ZNF185: variants seen among roughly 807,000 people sequenced by gnomAD.
ZNF185 encodes the protein zinc finger protein 185.
Under a neutral mutation model 58.6 loss-of-function variants are expected in ZNF185, and 56 were observed. The ratio of observed to expected loss-of-function variants is 0.95; its 90% CI spans 0.77 to 1.19. ZNF185 has a LOEUF of 1.19. Among genes scored for constraint, ZNF185 ranks in the 50% most tolerant of loss-of-function variants. The pLI is 0.00. For missense variants in ZNF185, 627 were observed against 573.5 expected (o/e 1.09, Z -0.95); for synonymous variants, 230 against 215.9 (o/e 1.07, Z -0.57).
rs781957226 is a variant in ZNF185 at position 152,945,493 on chromosome X, C to T, written c.1409+29C>T. ...AGGGCTGAGCTGCAGTGGGCTCTGCCTCTGGAGCCCATGTTTTTGTTGAGG... is the reference window on the plus strand; with the variant it reads ...AGGGCTGAGCTGCAGTGGGCTCTGCTTCTGGAGCCCATGTTTTTGTTGAGG... On this transcript the variant is annotated intron_variant, in intron 16 of 22. Transcript: ENST00000449285. 7 of 1,164,168 alleles carry T rather than the reference C, an allele frequency of 6.0e-6. No individual in the cohort carries two copies. In the South Asian group the frequency reaches 1.4e-4, roughly 23 times the overall value.
the ZNF185 span, among the ~76,000 whole-genome samples, chrX:152,901,219 G>A: frequency 3.7e-5 from 4 of 108,419 alleles, no homozygotes; most frequent in Non-Finnish European, 7.6e-5. Context: ...AGTCTGACTC[G>A]CTTTCTTTTT....
rs186866216 is a variant in ZNF185 at position 152,950,061 on chromosome X, G to A, written c.1409+4597G>A. Among the ~76,000 whole-genome samples, 341 of 112,027 alleles carry A rather than the reference G, an allele frequency of 3.0e-3. 1 individual carries two copies. Among genetic ancestry groups the A allele is most frequent in the Middle Eastern group, 0.028 (6 of 218 alleles). On this transcript the variant is annotated intron_variant, in intron 16 of 22. Coordinates refer to ENST00000449285, the Ensembl canonical transcript of ZNF185. The stretch of plus-strand genomic sequence containing the variant: ...GGGATGATAAGGACAATGTAATTTG[G>A]GGGATAAAGGAAGAACTCATTATAT...
chrX:152,925,259 C>A (rs2125403195), intron 11 of ZNF185, among the ~76,000 whole-genome samples: 1 of 111,603 alleles, frequency 9.0e-6, no homozygotes, highest in South Asian at 3.8e-4. Flanking sequence ...TGAGCTGTGA[C>A]CGCACCCTTA....
chrX:152,936,407 T>TTCTTTCACAGG lies in ZNF185; in HGVS notation c.1122-1666_1122-1656dup. 8.6e-7 allele frequency: 1 copy of TTCTTTCACAGG among 1,164,810 alleles called. No individual in the cohort carries two copies. The highest frequency in any genetic ancestry group is 1.1e-6 in the Non-Finnish European group (1 of 871,500). ...TCCTGAACCTGGACCAGGTCTGGCC[T>TTCTTTCACAGG]TCTTTCACAGGCTGTGTGCAGCTGC... is the stretch of plus-strand genomic sequence containing the variant. On this transcript the variant is annotated intron_variant, in intron 14 of 22. Coordinates refer to ENST00000449285, the Ensembl canonical transcript of ZNF185.
chrX:152,935,884 C>T (rs2046222646), intron 14 of ZNF185, among the ~76,000 whole-genome samples: 1 of 111,934 alleles, frequency 8.9e-6, no homozygotes. Flanking sequence ...TTTACAGAGA[C>T]ACAGAGAATG....
intron 11 of ZNF185, among the ~76,000 whole-genome samples, chrX:152,927,104 C>T (rs1305182994): frequency 8.9e-6 from 1 of 112,467 alleles, no homozygotes; most frequent in African/African-American, 3.2e-5. Context: ...CCAGAAACGC[C>T]AGTGAGAAAA....
intron 16 of ZNF185, among the ~76,000 whole-genome samples, chrX:152,956,808 T>C (rs1556905221): frequency 8.9e-6 from 1 of 112,697 alleles, no homozygotes; most frequent in Non-Finnish European, 1.9e-5. Flanking sequence ...ATAAGCCAAA[T>C]GTCACTGTTG....
At position 152,939,166 on chromosome X, in the gene ZNF185, G is replaced by C. The variant is rs145383105; in HGVS notation, c.1211+1003G>C. Among the ~76,000 whole-genome samples, 695 of 112,224 alleles carry C rather than the reference G, an allele frequency of 6.2e-3. 7 individuals carry two copies. The highest frequency in any genetic ancestry group is 0.021 in the African/African-American group (659 of 30,888). ...GTGTTTAAAAGGTGAATGCATGTTT[G>C]CATTTTCATACCACATTGCTGTTGC... On this transcript the variant is annotated intron_variant, in intron 15 of 22. Transcript: ENST00000449285.
chrX:152,898,815 C>T, the ZNF185 span, among the ~76,000 whole-genome samples: 561 of 112,630 alleles, frequency 5.0e-3, 2 homozygotes, highest in African/African-American at 0.017. Flanking sequence ...ATCGGCACTG[C>T]ACCAGCTCTG....
chrX:152,905,573 G>C, the ZNF185 span, among the ~76,000 whole-genome samples: 1 of 112,226 alleles, frequency 8.9e-6, no homozygotes, highest in Admixed American at 9.4e-5. Context: ...ACTAGGTCCA[G>C]TGGAGGCTCT....
the ZNF185 span, among the ~76,000 whole-genome samples, chrX:152,902,220 T>A: frequency 8.9e-6 from 1 of 112,916 alleles, no homozygotes. Context: ...CTGGGGCCAG[T>A]GGGCAAGCCC....
chrX:152,911,107 G>C (rs1433245455), upstream of ZNF185, among the ~76,000 whole-genome samples: 1 of 111,928 alleles, frequency 8.9e-6, no homozygotes, highest in Non-Finnish European at 1.9e-5. Context: ...ACTTGGATCT[G>C]CAGGTCTGTG....
chrX:152,917,365 A>G lies in ZNF185; in HGVS notation c.341+3A>G, dbSNP rs781823464. On this transcript the variant is annotated splice_donor_region_variant and intron_variant, in intron 5 of 22. Coordinates refer to ENST00000449285, the Ensembl canonical transcript of ZNF185. The stretch of plus-strand genomic sequence containing the variant: ...AAGGCCAACGGGACTCCAAAAAGGT[A>G]TGTCCATGGGGTGTTGGCCAGTCGG... 10 of 1,211,185 alleles carry G rather than the reference A, an allele frequency of 8.3e-6. No individual in the cohort carries two copies. In the East Asian group the frequency reaches 3.0e-4, roughly 36 times the overall value.
intron 16 of ZNF185, among the ~76,000 whole-genome samples, chrX:152,945,671 G>A (rs2125766388): frequency 8.9e-6 from 1 of 111,738 alleles, no homozygotes; most frequent in South Asian, 3.8e-4. Context: ...GCTGGGAGGG[G>A]ACTGTGATAG....
intron 16 of ZNF185, among the ~76,000 whole-genome samples, chrX:152,948,514 CTTG>C (rs782205363): frequency 3.6e-5 from 4 of 111,960 alleles, no homozygotes; most frequent in East Asian, 2.8e-4. Flanking sequence ...GCATTTCACA[CTTG>C]TTGTCACAAC....
the ZNF185 span, among the ~76,000 whole-genome samples, chrX:152,908,133 G>A: frequency 8.9e-6 from 1 of 112,691 alleles, no homozygotes; most frequent in Non-Finnish European, 1.9e-5. Context: ...GCCATGTGAG[G>A]CCACTTAGGG....
intron 18 of ZNF185, among the ~76,000 whole-genome samples, chrX:152,964,224 A>G (rs782174457): frequency 8.9e-6 from 1 of 112,646 alleles, no homozygotes; most frequent in Non-Finnish European, 1.9e-5. Context: ...TCTGCCATTC[A>G]TGGGTCCATG....
At chrX:152,931,621 C>A in intron 12 of ZNF185, 51 bp from the exon 14 acceptor site, 1 of 1,081,090 alleles carries the variant, frequency 9.2e-7, no homozygotes, top group Non-Finnish European at 1.3e-6. Context: ...CAGCCCACAC[C>A]TGAGTGTGAA....
upstream of ZNF185, among the ~76,000 whole-genome samples, chrX:152,913,245 C>T (rs1937619581): frequency 8.9e-6 from 1 of 112,424 alleles, no homozygotes; most frequent in Admixed American, 9.3e-5. Flanking sequence ...CAACCAGGGC[C>T]CTGCTTCCTG....
Sources: gnomAD v4.1 joint callset for allele counts (sites outside exome capture counted in the v4.1 genomes callset) on GRCh38, gnomAD v4.1.1 for gene constraint, MANE v1.5 for transcripts, NCBI Gene and HGNC (gene_info 2026-07-23, HGNC 2026-07-21) for gene names.